The following MTUS2 variants were observed in gnomAD, a reference collection of about 807,000 sequenced individuals.
MTUS2 encodes the protein microtubule associated scaffold protein 2.
A neutral mutation model predicts 114.1 loss-of-function variants in MTUS2; 40 were observed. That is an observed-to-expected ratio of 0.35 (90% CI 0.27 to 0.46). The LOEUF (loss-of-function observed/expected upper bound fraction) is 0.46, where lower values mean the gene tolerates loss of function less well. Among genes scored for constraint, MTUS2 ranks in the 20% least tolerant of loss-of-function variants. The probability of loss-of-function intolerance (pLI) is 1.00; values close to 1 mark genes in which losing one functional copy is unlikely to be tolerated. For missense variants in MTUS2, 1,679 were observed against 1,705.4 expected (o/e 0.98, Z 0.27); for synonymous variants, 688 against 672.0 (o/e 1.02, Z -0.37).
chr13:28,852,026 C>T (rs957284298), intron 2 of MTUS2, among the ~76,000 whole-genome samples: 5 of 152,192 alleles, frequency 3.3e-5, no homozygotes, highest in Non-Finnish European at 7.3e-5. Flanking sequence ...CCCTCCCCCT[C>T]GCTCCTGATG....
At chr13:29,466,740 G>C (rs1349754927) in intron 9 of MTUS2, among the ~76,000 whole-genome samples, 1 of 151,984 alleles carries the variant, frequency 6.6e-6, no homozygotes, top group Non-Finnish European at 1.5e-5. Flanking sequence ...AGCCAGGTGT[G>C]GTGGTGCGTG....
chr13:29,498,355 T>C, intron 13 of MTUS2, 63 bp from the exon 14 acceptor site: 1 of 1,597,114 alleles, frequency 6.3e-7, no homozygotes, highest in East Asian at 2.2e-5. Flanking sequence ...ATTCGTGACA[T>C]TGGTTAATAC....
At chr13:29,105,421 T>C (rs770502049) in intron 5 of MTUS2, among the ~76,000 whole-genome samples, 10 of 152,174 alleles carry the variant, frequency 6.6e-5, no homozygotes, top group Non-Finnish European at 1.5e-4. Flanking sequence ...CCTATGTCAT[T>C]ATGTATTCTG....
chr13:28,908,560 G>T (rs947156757), intron 2 of MTUS2, among the ~76,000 whole-genome samples: 4 of 151,426 alleles, frequency 2.6e-5, no homozygotes, highest in Non-Finnish European at 5.9e-5. Context: ...ATTTGGGTTG[G>T]TTCCAAGTCT....
chr13:29,445,097 C>T (rs530225193), intron 9 of MTUS2, among the ~76,000 whole-genome samples: 1 of 152,200 alleles, frequency 6.6e-6, no homozygotes, highest in South Asian at 2.1e-4. Context: ...TTGCATAGTG[C>T]CCTCTACCAG....
At chr13:29,097,199 A>G (rs996765752) in intron 4 of MTUS2, among the ~76,000 whole-genome samples, 2 of 152,242 alleles carry the variant, frequency 1.3e-5, no homozygotes, top group Non-Finnish European at 2.9e-5. Context: ...TTGTGGTTCA[A>G]GTGCCACTGA....
At chr13:29,466,877 A>C (rs1321927478) in intron 9 of MTUS2, among the ~76,000 whole-genome samples, 3,013 of 38,120 alleles carry the variant, frequency 0.079, 77 homozygotes, top group African/African-American at 0.3. Flanking sequence ...ACCTCATCTC[A>C]AAAAAAAAAA....
At chr13:29,268,160 CT>C (rs1897738659) in intron 5 of MTUS2, among the ~76,000 whole-genome samples, 1 of 152,246 alleles carries the variant, frequency 6.6e-6, no homozygotes, top group Non-Finnish European at 1.5e-5. Flanking sequence ...TCCCCACCCC[CT>C]GACAGGCCCC....
intron 7 of MTUS2, among the ~76,000 whole-genome samples, chr13:29,348,160 C>G (rs1868899003): frequency 6.6e-6 from 1 of 152,170 alleles, no homozygotes; most frequent in African/African-American, 2.4e-5. Context: ...TTCCAAGCTT[C>G]TAATCATGGC....
chr13:29,357,789 C>T (rs376602500), intron 7 of MTUS2, among the ~76,000 whole-genome samples: 49 of 152,182 alleles, frequency 3.2e-4, no homozygotes, highest in African/African-American at 8.0e-4. Flanking sequence ...GAATAATTTA[C>T]GATATGCCAT....
chr13:29,192,627 T>A (rs184495461), intron 5 of MTUS2, among the ~76,000 whole-genome samples: 4 of 152,328 alleles, frequency 2.6e-5, no homozygotes, highest in African/African-American at 9.6e-5. Flanking sequence ...TATATATGTA[T>A]TGAAACACCA....
intron 4 of MTUS2, among the ~76,000 whole-genome samples, chr13:29,052,077 A>G (rs1235825890): frequency 6.6e-6 from 1 of 152,246 alleles, no homozygotes; most frequent in Admixed American, 6.5e-5. Context: ...TCGGGGTCAC[A>G]AAAAAGTCTA....
intron 8 of MTUS2, among the ~76,000 whole-genome samples, chr13:29,411,206 T>A (rs1000894308): frequency 5.9e-5 from 9 of 152,220 alleles, no homozygotes; most frequent in African/African-American, 2.2e-4. Context: ...GGTATTTTTG[T>A]GGTTTTATTT....
chr13:29,006,215 G>A (rs1885593401), intron 2 of MTUS2, among the ~76,000 whole-genome samples: 1 of 152,112 alleles, frequency 6.6e-6, no homozygotes, highest in Admixed American at 6.5e-5. Flanking sequence ...CCCAGGTGCT[G>A]CAAAAGTTTA....
intron 2 of MTUS2, among the ~76,000 whole-genome samples, chr13:28,851,417 G>A (rs1876258569): frequency 6.6e-6 from 1 of 152,206 alleles, no homozygotes; most frequent in Non-Finnish European, 1.5e-5. Flanking sequence ...AGGAATCAGA[G>A]TACCTGTTTC....
chr13:29,004,840 G>A (rs1233806114), intron 2 of MTUS2, among the ~76,000 whole-genome samples: 1 of 152,170 alleles, frequency 6.6e-6, no homozygotes, highest in African/African-American at 2.4e-5. Flanking sequence ...GCCTAGTACA[G>A]AAGAAGAGAC....
chr13:28,898,833 A>G (rs1879450329), intron 2 of MTUS2, among the ~76,000 whole-genome samples: 1 of 152,246 alleles, frequency 6.6e-6, no homozygotes, highest in African/African-American at 2.4e-5. Context: ...CTGATTTCAC[A>G]TGAGCTATGA....
rs1885175229 is a variant in MTUS2, at chr13:28,997,608, C to T, written c.-242-26849C>T. On this transcript the variant is annotated intron_variant, in intron 2 of 15. Coordinates refer to ENST00000612955, the MANE Select transcript of MTUS2 (RefSeq NM_001033602.4). ...GTGCATATATATTTAGGATAGTTAG[C>T]TCTTCTTGTTGAATTGATCCCTTTA... Among the ~76,000 whole-genome samples the T allele has an allele frequency of 1.3e-5, 2 of 152,078 alleles. 1 individual carries two copies. The highest frequency in any genetic ancestry group is 4.2e-4 in the South Asian group (2 of 4,814).
At chr13:29,467,374 G>C (rs1343664999) in intron 9 of MTUS2, among the ~76,000 whole-genome samples, 1 of 151,978 alleles carries the variant, frequency 6.6e-6, no homozygotes, top group Admixed American at 6.6e-5. Context: ...CTTTGCACAG[G>C]AAAAAAAGAA....
Sources: allele counts gnomAD v4.1 joint callset (sites outside exome capture counted in the v4.1 genomes callset), GRCh38; gene constraint gnomAD v4.1.1; transcripts MANE v1.5; gene names NCBI Gene and HGNC (gene_info 2026-07-23, HGNC 2026-07-21).